The following CLCN3 variants were observed in gnomAD, a reference collection of about 807,000 sequenced individuals.
The protein encoded by CLCN3 is H(+)/Cl(-) exchange transporter 3.
Under a neutral mutation model 83.4 loss-of-function variants are expected in CLCN3, and 16 were observed. That is an observed-to-expected ratio of 0.19 (90% CI 0.13 to 0.29). The LOEUF (loss-of-function observed/expected upper bound fraction) is 0.29, where lower values mean the gene tolerates loss of function less well. CLCN3 is among the 10% of genes least tolerant of loss of function. CLCN3 has a pLI of 1.00. For missense variants in CLCN3, 544 were observed against 1,006.0 expected (o/e 0.54, Z 6.21); for synonymous variants, 322 against 346.2 (o/e 0.93, Z 0.78).
At chr4:169,685,007 G>T (rs1732100656) in intron 3 of CLCN3, among the ~76,000 whole-genome samples, 1 of 148,366 alleles carries the variant, frequency 6.7e-6, no homozygotes, top group Non-Finnish European at 1.5e-5. Context: ...TTAAGAGACT[G>T]GGTCTTGCTA....
At chr4:169,683,649 A>G (rs1184260514) in intron 3 of CLCN3, among the ~76,000 whole-genome samples, 3 of 151,810 alleles carry the variant, frequency 2.0e-5, no homozygotes, top group Non-Finnish European at 4.4e-5. Flanking sequence ...CCAATCAAAT[A>G]TTTTTCAATA....
rs549728549 is a variant in CLCN3, at chr4:169,687,398, T to C, written c.319-260T>C. ...AAGTTCAAGACCAGTCTGGCCAACA[T>C]AGCGAGGCCCAGTCTCATTGAAAGA... is the stretch of plus-strand genomic sequence containing the variant. On this transcript the variant is annotated intron_variant, in intron 3 of 12. Transcript: ENST00000513761. Among the ~76,000 whole-genome samples the C allele has an allele frequency of 5.3e-5, 8 of 152,130 alleles. No individual in the cohort carries two copies. In the East Asian group the frequency reaches 1.4e-3, roughly 26 times the overall value.
chr4:169,649,023 T>TAA (rs34046047), intron 2 of CLCN3, among the ~76,000 whole-genome samples: 15 of 137,026 alleles, frequency 1.1e-4, no homozygotes, highest in Admixed American at 1.4e-4. Context: ...GGAGAATATC[T>TAA]AAAAAAAAAA....
chr4:169,639,903 T>C (rs184528338), intron 2 of CLCN3, among the ~76,000 whole-genome samples: 44 of 152,330 alleles, frequency 2.9e-4, no homozygotes, highest in African/African-American at 9.9e-4. Context: ...GGCTTTCAAG[T>C]TGGTGACCTG....
At position 169,697,751 on chromosome 4, in the gene CLCN3, G is replaced by A; in HGVS notation, c.1563+17G>A. 6.5e-7 allele frequency: 1 copy of A among 1,545,872 alleles called. No individual in the cohort carries two copies. Among genetic ancestry groups the A allele is most frequent in the Non-Finnish European group, 8.8e-7 (1 of 1,139,624 alleles). ...GGCATCAAGGTAAGTGCTAATGTGA[G>A]GTGATATTTGGGTAATTTTGGCATG... On this transcript the variant is annotated intron_variant, in intron 9 of 12. Transcript: ENST00000513761.
At chr4:169,717,285 A>C (rs1294829770) in intron 12 of CLCN3, among the ~76,000 whole-genome samples, 1 of 152,184 alleles carries the variant, frequency 6.6e-6, no homozygotes, top group Admixed American at 6.5e-5. Context: ...CATTGCCTTT[A>C]ATTTTAATTT....
At chr4:169,644,413 A>G (rs972590681) in intron 2 of CLCN3, among the ~76,000 whole-genome samples, 1 of 151,908 alleles carries the variant, frequency 6.6e-6, no homozygotes, top group African/African-American at 2.4e-5. Flanking sequence ...GTACACCACC[A>G]CGCCTGGCTA....
chr4:169,720,253 ATTG>A lies in CLCN3; in HGVS notation c.*259_*261del, dbSNP rs1201907745. On this transcript the variant is annotated 3_prime_UTR_variant, in exon 13 of 13. Transcript: ENST00000513761. ...AACAGAAAGCAGCGTATCAACTCCT[ATTG>A]TTCTGCACTGGATGCATTCAGCTGA... 1 of 573,286 alleles carries A rather than the reference ATTG, an allele frequency of 1.7e-6. No individual in the cohort carries two copies. 35.5% of individuals were successfully genotyped at this position (573,286 alleles called of 1,614,324 possible). A position where few individuals can be genotyped will look rare whatever the true frequency, so the allele number is the denominator to read the frequency against.
intron 2 of CLCN3, among the ~76,000 whole-genome samples, chr4:169,653,367 C>T (rs1454227517): frequency 6.6e-6 from 1 of 151,888 alleles, no homozygotes. Flanking sequence ...TGGCTGGGTG[C>T]GGTGGCTCAA....
chr4:169,622,659 A>T (rs72694717), intron 1 of CLCN3, among the ~76,000 whole-genome samples: 4 of 152,220 alleles, frequency 2.6e-5, no homozygotes, highest in African/African-American at 4.8e-5. Context: ...CGAAGTAGGT[A>T]CTTTCACTAA....
intron 6 of CLCN3, among the ~76,000 whole-genome samples, chr4:169,691,801 C>T (rs1356796148): frequency 6.6e-6 from 1 of 151,700 alleles, no homozygotes; most frequent in Non-Finnish European, 1.5e-5. Flanking sequence ...TCAAATTTGC[C>T]CTTTTTTTGG....
At chr4:169,624,738 C>T (rs748393862) in intron 1 of CLCN3, among the ~76,000 whole-genome samples, 17 of 152,222 alleles carry the variant, frequency 1.1e-4, no homozygotes, top group Non-Finnish European at 1.8e-4. Flanking sequence ...ACATTGTTAG[C>T]TATTCTATAA....
intron 7 of CLCN3, among the ~76,000 whole-genome samples, chr4:169,695,314 C>T (rs72696626): frequency 0.45 from 68,087 of 151,986 alleles, 17,607 homozygotes; most frequent in East Asian, 0.76. Context: ...AAACATACGT[C>T]TTGAAAATTG....
In CLCN3 at chr4:169,704,064, G is replaced by C; in HGVS notation, c.1630G>C (p.Ala544Pro). 1 of 1,614,084 alleles carries C rather than the reference G, an allele frequency of 6.2e-7. No individual in the cohort carries two copies. Among genetic ancestry groups the C allele is most frequent in the Non-Finnish European group, 8.5e-7 (1 of 1,180,006 alleles). The part of the protein sequence containing the change: ...GAIAGRIVGI[A>P]VEQLAYYHHD... ...GATCGCAGGAAGGATTGTGGGGATT[G>C]CGGTGGAGCAGCTTGCCTACTATCA... The change falls in exon 10 of 13, where the codon GCG (alanine) becomes CCG (proline). Residue 544 changes from alanine (A) to proline (P), a missense_variant. Coordinates refer to ENST00000513761, the MANE Select transcript of CLCN3 (RefSeq NM_001829.4).
intron 11 of CLCN3, 107 bp from the exon 12 acceptor site, chr4:169,712,972 G>A: frequency 1.3e-6 from 1 of 759,432 alleles, no homozygotes; most frequent in Non-Finnish European, 2.2e-6. Context: ...AAAATGAAGG[G>A]ATCAGAAGTC....
rs144095411 is a variant in CLCN3 at position 169,694,500 on chromosome 4, C to A, written c.937-1112C>A. Among the ~76,000 whole-genome samples the A allele has an allele frequency of 8.7e-4, 133 of 152,272 alleles. 2 individuals carry two copies. In the East Asian group the frequency reaches 0.023, roughly 27 times the overall value. On this transcript the variant is annotated intron_variant, in intron 7 of 12. Coordinates refer to ENST00000513761, the MANE Select transcript of CLCN3 (RefSeq NM_001829.4). ...TAACAATTGACCATTTGAAGAAATA[C>A]TTTAGGTAGCTTTGGATATTTGCTG...
At chr4:169,643,715 G>A (rs1267751887) in intron 2 of CLCN3, among the ~76,000 whole-genome samples, 1 of 151,938 alleles carries the variant, frequency 6.6e-6, no homozygotes, top group East Asian at 1.9e-4. Context: ...TAATTTTTTT[G>A]TAGAGATGGG....
At chr4:169,656,113 A>G (rs1313370695) in intron 2 of CLCN3, among the ~76,000 whole-genome samples, 3 of 151,858 alleles carry the variant, frequency 2.0e-5, no homozygotes, top group Non-Finnish European at 4.4e-5. Context: ...ATGACTGACA[A>G]TGCAAGTTAA....
chr4:169,669,523 T>A (rs548154854), intron 2 of CLCN3, among the ~76,000 whole-genome samples: 35 of 152,288 alleles, frequency 2.3e-4, no homozygotes, highest in African/African-American at 8.4e-4. Context: ...AATTATAATA[T>A]GTTATGACAA....
Sources: gnomAD v4.1 joint callset for allele counts (sites outside exome capture counted in the v4.1 genomes callset) on GRCh38, gnomAD v4.1.1 for gene constraint, MANE v1.5 for transcripts, NCBI Gene and HGNC (gene_info 2026-07-23, HGNC 2026-07-21) for gene names.